The following DAB1 variants were observed in gnomAD, a reference collection of about 807,000 sequenced individuals.
The protein encoded by DAB1 is disabled homolog 1.
In DAB1, 15 loss-of-function variants were observed where a neutral mutation model predicts 64.6. The ratio of observed to expected loss-of-function variants is 0.23; its 90% CI spans 0.16 to 0.36. The LOEUF (loss-of-function observed/expected upper bound fraction) is 0.36. Ranked by LOEUF, DAB1 falls within the 10% of genes least tolerant of loss-of-function variation. The probability of loss-of-function intolerance (pLI) is 1.00; values close to 1 mark genes in which losing one functional copy is unlikely to be tolerated. For missense variants in DAB1, 596 were observed against 706.7 expected (o/e 0.84, Z 1.78); for synonymous variants, 235 against 251.9 (o/e 0.93, Z 0.64).
chr1:57,343,239 A>G (rs549372488), intron 1 of DAB1, among the ~76,000 whole-genome samples: 1 of 152,280 alleles, frequency 6.6e-6, no homozygotes, highest in East Asian at 1.9e-4. Context: ...TGGTGCATTC[A>G]CAAACCCTGA....
intron 7 of DAB1, among the ~76,000 whole-genome samples, chr1:57,480,911 C>T (rs1176973176): frequency 6.6e-6 from 1 of 152,174 alleles, no homozygotes; most frequent in African/African-American, 2.4e-5. Context: ...TTCAAGCTCA[C>T]TGCCTTTCTT....
chr1:57,944,013 T>C (rs1330672159), intron 5 of DAB1, among the ~76,000 whole-genome samples: 1 of 152,134 alleles, frequency 6.6e-6, no homozygotes, highest in Non-Finnish European at 1.5e-5. Context: ...AGGAAGTAGT[T>C]CTCTCTAAAA....
intron 5 of DAB1, among the ~76,000 whole-genome samples, chr1:58,001,104 T>C (rs1646500495): frequency 6.6e-6 from 1 of 151,988 alleles, no homozygotes; most frequent in Admixed American, 6.6e-5. Context: ...CTTCTCTTTG[T>C]TTTTGTTTTC....
intron 1 of DAB1, among the ~76,000 whole-genome samples, chr1:57,422,719 T>C (rs1207689400): frequency 6.6e-6 from 1 of 151,840 alleles, no homozygotes; most frequent in East Asian, 1.9e-4. Flanking sequence ...TGCGATGCAG[T>C]TGGGGGTTGG....
chr1:57,298,657 T>G (rs972424877), intron 1 of DAB1, among the ~76,000 whole-genome samples: 1 of 152,084 alleles, frequency 6.6e-6, no homozygotes, highest in Non-Finnish European at 1.5e-5. Context: ...AAACAGAATT[T>G]TAGGCAACTT....
At chr1:57,551,030 T>C (rs1172731562) in intron 7 of DAB1, among the ~76,000 whole-genome samples, 1 of 152,224 alleles carries the variant, frequency 6.6e-6, no homozygotes, top group Non-Finnish European at 1.5e-5. Context: ...CTAAATGTCT[T>C]GTCCAAAATT....
At chr1:57,496,018 A>G (rs1330563671) in intron 7 of DAB1, among the ~76,000 whole-genome samples, 1 of 152,246 alleles carries the variant, frequency 6.6e-6, no homozygotes, top group Non-Finnish European at 1.5e-5. Flanking sequence ...ATGACCAGAT[A>G]TAAGAATGAT....
intron 6 of DAB1, among the ~76,000 whole-genome samples, chr1:57,717,272 A>C (rs6587792): frequency 6.6e-6 from 1 of 151,756 alleles, no homozygotes; most frequent in East Asian, 1.9e-4. Flanking sequence ...AAAATAAAAA[A>C]AAAAGAAAGA....
intron 3 of DAB1, among the ~76,000 whole-genome samples, chr1:58,398,746 G>C (rs1644544566): frequency 6.6e-6 from 1 of 152,180 alleles, no homozygotes; most frequent in African/African-American, 2.4e-5. Flanking sequence ...TAGTAAGTGG[G>C]GAGCTGGGAC....
chr1:57,688,091 G>C (rs1049352092), intron 6 of DAB1, among the ~76,000 whole-genome samples: 2 of 152,126 alleles, frequency 1.3e-5, no homozygotes, highest in African/African-American at 4.8e-5. Flanking sequence ...AAGAGCTTCT[G>C]CACAGCAAAA....
intron 5 of DAB1, among the ~76,000 whole-genome samples, chr1:57,890,918 C>T (rs917999902): frequency 2.6e-5 from 4 of 152,208 alleles, no homozygotes; most frequent in African/African-American, 7.2e-5. Context: ...CAACTCATCA[C>T]ATTATATTAA....
At chr1:57,010,846 A>G (rs1646244304) in intron 13 of DAB1, 56 bp from the exon 14 acceptor site, 6 of 1,300,696 alleles carry the variant, frequency 4.6e-6, no homozygotes, top group South Asian at 1.5e-5. Flanking sequence ...CATTGAAAAT[A>G]TAAGACACCT....
intron 4 of DAB1, among the ~76,000 whole-genome samples, chr1:57,090,802 T>A (rs1653584137): frequency 6.6e-6 from 1 of 152,104 alleles, no homozygotes; most frequent in South Asian, 2.1e-4. Flanking sequence ...GGTACCAATC[T>A]GTGGCCTGTT....
At chr1:58,513,548 C>G (rs755080432) in intron 2 of DAB1, among the ~76,000 whole-genome samples, 2 of 152,042 alleles carry the variant, frequency 1.3e-5, no homozygotes, top group Non-Finnish European at 2.9e-5. Context: ...TAATGGCTAC[C>G]GCTGGCCAGA....
At chr1:57,233,251 G>T (rs868299094) in intron 2 of DAB1, among the ~76,000 whole-genome samples, 3 of 85,508 alleles carry the variant, frequency 3.5e-5, no homozygotes, top group Non-Finnish European at 7.1e-5. Context: ...GCTTTGCTCC[G>T]ATTCTTTTTT....
At chr1:57,826,662 G>A (rs1652364175) in intron 1 of DAB1, among the ~76,000 whole-genome samples, 1 of 152,198 alleles carries the variant, frequency 6.6e-6, no homozygotes, top group Non-Finnish European at 1.5e-5. Flanking sequence ...CATCGGAGCA[G>A]ATGTGACAAG....
At chr1:57,705,263 C>T (rs528311642) in intron 6 of DAB1, among the ~76,000 whole-genome samples, 1 of 151,664 alleles carries the variant, frequency 6.6e-6, no homozygotes, top group South Asian at 2.1e-4. Flanking sequence ...ACATAGTGTT[C>T]ACCTGGTATA....
chr1:58,064,693 TTATG>T (rs1648732508), intron 5 of DAB1, among the ~76,000 whole-genome samples: 3 of 111,518 alleles, frequency 2.7e-5, no homozygotes, highest in East Asian at 4.1e-4. Flanking sequence ...TTTTATTTAT[TTATG>T]TATTTATTTA....
chr1:57,820,178 A>T (rs193271852), intron 6 of DAB1, among the ~76,000 whole-genome samples: 179 of 152,324 alleles, frequency 1.2e-3, no homozygotes, highest in East Asian at 6.2e-3. Flanking sequence ...GGGCCCAAAG[A>T]CTGGATTCCT....
Sources: gnomAD v4.1 joint callset for allele counts (sites outside exome capture counted in the v4.1 genomes callset) on GRCh38, gnomAD v4.1.1 for gene constraint, MANE v1.5 for transcripts, NCBI Gene and HGNC (gene_info 2026-07-23, HGNC 2026-07-21) for gene names.